RAI14: variants seen among roughly 807,000 people sequenced by gnomAD.
RAI14 encodes the protein retinoic acid induced 14, also known as ankycorbin.
A neutral mutation model predicts 115.4 loss-of-function variants in RAI14; 45 were observed. That is an observed-to-expected ratio of 0.39 (90% CI 0.31 to 0.50). The LOEUF (loss-of-function observed/expected upper bound fraction) is 0.50, where lower values mean the gene tolerates loss of function less well. Ranked by LOEUF, RAI14 falls within the 20% of genes least tolerant of loss-of-function variation. RAI14 has a pLI of 0.85. For missense variants in RAI14, 939 were observed against 1,131.2 expected (o/e 0.83, Z 2.44); for synonymous variants, 371 against 415.4 (o/e 0.89, Z 1.30).
intron 3 of RAI14, among the ~76,000 whole-genome samples, chr5:34,759,005 T>C (rs2150096614): frequency 6.6e-6 from 1 of 152,334 alleles, no homozygotes; most frequent in East Asian, 1.9e-4. Context: ...CTCCCGCCTG[T>C]AATCCCAGCA....
chr5:34,787,625 G>T (rs182017007), intron 3 of RAI14, among the ~76,000 whole-genome samples: 167 of 152,222 alleles, frequency 1.1e-3, no homozygotes, highest in African/African-American at 3.7e-3. Context: ...TCGATACAGG[G>T]ATTTTTTTGA....
Position 34,718,851 on chromosome 5 carries a change from A to C in RAI14, c.36+31896A>C, listed in dbSNP as rs145117395. 4.6e-3 allele frequency among the ~76,000 whole-genome samples: 706 copies of C among 152,322 alleles called. 21 individuals are homozygous for C. Among genetic ancestry groups the C allele is most frequent in the Admixed American group, 0.03 (465 of 15,300 alleles). On this transcript the variant is annotated intron_variant, in intron 2 of 17. Coordinates refer to ENST00000265109, the MANE Select transcript of RAI14 (RefSeq NM_015577.3). ...GTTGTACCATGAATAGTGCCTGCGC[A>C]GGAAAGGTGGCACTTAAAATTTTTT...
In RAI14 at chr5:34,795,985, A is replaced by G; in HGVS notation, c.214A>G (p.Met72Val). The G allele has an allele frequency of 3.1e-6, 5 of 1,613,532 alleles. No homozygotes were observed. Among genetic ancestry groups the G allele is most frequent in the Non-Finnish European group, 4.2e-6 (5 of 1,179,534 alleles). ...AGGACACGTGGAATGCCTCAGGGTC[A>G]TGATTACACATGGTGTGGATGTGAC... ...AKGHVECLRV[M>V]ITHGVDVTAQ... The change falls in exon 4 of 18, where the codon ATG becomes GTG. Residue 72 changes from methionine (M) to valine (V), a missense_variant. Met to Val is a conservative substitution (Grantham distance 21). Transcript: ENST00000265109.
intron 2 of RAI14, among the ~76,000 whole-genome samples, chr5:34,740,988 C>T (rs1292022001): frequency 1.3e-5 from 2 of 152,146 alleles, no homozygotes; most frequent in Non-Finnish European, 2.9e-5. Flanking sequence ...CATTAGACAT[C>T]GTGCTCATAT....
intron 17 of RAI14, 21 bp from the exon 18 acceptor site, chr5:34,830,667 T>A: frequency 6.2e-7 from 1 of 1,613,948 alleles, no homozygotes; most frequent in African/African-American, 1.3e-5. Flanking sequence ...CTAATGAGTA[T>A]CTTGTGTTTG....
intron 3 of RAI14, 23 bp downstream of exon 3, chr5:34,757,621 A>G: frequency 6.3e-7 from 1 of 1,585,758 alleles, no homozygotes; most frequent in Non-Finnish European, 8.6e-7. Context: ...ACTGGTTTGC[A>G]GATATGCTGG....
intron 7 of RAI14, among the ~76,000 whole-genome samples, chr5:34,809,141 T>C (rs1755279532): frequency 6.6e-6 from 1 of 152,236 alleles, no homozygotes; most frequent in African/African-American, 2.4e-5. Flanking sequence ...CTTAACCCTT[T>C]TCCCATTTGC....
intron 10 of RAI14, among the ~76,000 whole-genome samples, chr5:34,812,590 A>G (rs113238002): frequency 0.13 from 19,051 of 152,000 alleles, 1,644 homozygotes; most frequent in Non-Finnish European, 0.18. Flanking sequence ...ACTTGAACCC[A>G]GGAGGCAGAG....
At chr5:34,755,370 A>G (rs1293793747) in intron 2 of RAI14, among the ~76,000 whole-genome samples, 2 of 152,188 alleles carry the variant, frequency 1.3e-5, no homozygotes, top group Non-Finnish European at 1.5e-5. Flanking sequence ...TGTTAAACCT[A>G]TGAGGAGAGT....
Position 34,810,999 on chromosome 5 carries a change from AT to A in RAI14, c.451-10del. On this transcript the variant is annotated splice_polypyrimidine_tract_variant and intron_variant, in intron 7 of 17. Coordinates refer to ENST00000265109, the MANE Select transcript of RAI14 (RefSeq NM_015577.3). ...TGCCTGAGGTAAAATCTAAATCTGA[AT>A]TTGTCTCCTAGGATGGGAATATACC... 6.2e-7 allele frequency: 1 copy of A among 1,611,002 alleles called. No individual in the cohort carries two copies. Among genetic ancestry groups the A allele is most frequent in the African/African-American group, 1.3e-5 (1 of 74,890 alleles).
rs1580373397 is a variant in RAI14, at chr5:34,823,768, T to C, written c.1926T>C (p.Asn642=). Residue 642 remains asparagine, a synonymous_variant, in exon 15 of 18, where the codon AAT becomes AAC. Transcript: ENST00000265109. This position sits in a 1 kb window ranked among gnomAD's most constrained non-coding sequence, Gnocchi z 4.5. ...EAMNRMIDEL[N]KQVSELSQLY... ...TGAATAGGATGATAGATGAACTCAA[T>C]AAACAGGTGAGCGAGCTGTCACAGC... 1 of 1,614,126 alleles carries C rather than the reference T, an allele frequency of 6.2e-7. No individual in the cohort carries two copies. Among genetic ancestry groups the C allele is most frequent in the East Asian group, 2.2e-5 (1 of 44,874 alleles).
chr5:34,659,115 C>T (rs1742501825), intron 1 of RAI14: 4 of 152,112 alleles, frequency 2.6e-5, no homozygotes, highest in Admixed American at 2.6e-4. Context: ...CATAATTCTA[C>T]CTATGTATAG....
intron 1 of RAI14, among the ~76,000 whole-genome samples, chr5:34,682,017 G>A (rs1422441352): frequency 3.9e-5 from 6 of 151,900 alleles, no homozygotes; most frequent in Non-Finnish European, 2.9e-5. Flanking sequence ...CACCACGCCC[G>A]GCTAATTTTG....
At chr5:34,730,560 C>G (rs191618063) in intron 2 of RAI14, among the ~76,000 whole-genome samples, 1 of 152,212 alleles carries the variant, frequency 6.6e-6, no homozygotes, top group East Asian at 1.9e-4. Context: ...CCTGTAGTCT[C>G]TGCTACTCGG....
chr5:34,807,493 G>A (rs1450835023), intron 5 of RAI14, among the ~76,000 whole-genome samples: 2 of 152,016 alleles, frequency 1.3e-5, no homozygotes, highest in Non-Finnish European at 2.9e-5. Context: ...GGCAGGAGAT[G>A]GGGGAAAAGA....
rs1561221281 is a variant in RAI14, at chr5:34,665,188, TGTATATATATACAC to T, written c.-49+8714_-49+8727del. Among the ~76,000 whole-genome samples the T allele has an allele frequency of 2.2e-3, 74 of 34,278 alleles. 17 individuals are homozygous for T. Among genetic ancestry groups the T allele is most frequent in the Admixed American group, 3.3e-3 (11 of 3,342 alleles). The allele number at this position is 34,278 out of a possible 152,430, so 22.5% of individuals were successfully genotyped here. ...ATATATATATACACACATATATATA[TGTATATATATACAC>T]ACACCACAGTTTCTTTATCCACTCA... On this transcript the variant is annotated intron_variant, in intron 1 of 17. Transcript: ENST00000265109.
chr5:34,734,181 CT>C (rs1400723640), intron 2 of RAI14, among the ~76,000 whole-genome samples: 12 of 152,352 alleles, frequency 7.9e-5, no homozygotes, highest in East Asian at 3.9e-4. Flanking sequence ...GCCCGCCCCC[CT>C]GGTCTCTGTG....
intron 3 of RAI14, among the ~76,000 whole-genome samples, chr5:34,776,691 C>T (rs1242978982): frequency 6.6e-6 from 1 of 151,792 alleles, no homozygotes; most frequent in Non-Finnish European, 1.5e-5. Context: ...TCTGTAGTTG[C>T]AACTATTCGG....
chr5:34,743,604 G>A (rs1745800147), intron 2 of RAI14, among the ~76,000 whole-genome samples: 1 of 152,148 alleles, frequency 6.6e-6, no homozygotes, highest in Non-Finnish European at 1.5e-5. Flanking sequence ...CATGTACGTA[G>A]GGCTAGCCAA....
Sources: allele counts gnomAD v4.1 joint callset (sites outside exome capture counted in the v4.1 genomes callset), GRCh38; gene constraint gnomAD v4.1.1; non-coding constraint Gnocchi (gnomAD v3.1); transcripts MANE v1.5; gene names NCBI Gene and HGNC (gene_info 2026-07-23, HGNC 2026-07-21).